The following CELF2 variants were observed in gnomAD, a reference collection of about 807,000 sequenced individuals.
CELF2 encodes CUGBP Elav-like family member 2.
Under a neutral mutation model 62.6 loss-of-function variants are expected in CELF2, and 8 were observed. That is an observed-to-expected ratio of 0.13 (90% CI 0.07 to 0.23). CELF2 has a LOEUF of 0.23. CELF2 is among the 10% of genes least tolerant of loss of function. The pLI, the probability that CELF2 is intolerant of heterozygous loss-of-function variation, is 1.00. For missense variants in CELF2, 333 were observed against 671.0 expected, an observed-to-expected ratio of 0.50 and a Z score of 5.56; for synonymous variants, 258 against 250.0, an observed-to-expected ratio of 1.03 and a Z score of -0.30.
chr10:11,163,271 C>A (rs957230487), intron 1 of CELF2, among the ~76,000 whole-genome samples: 2 of 152,194 alleles, frequency 1.3e-5, no homozygotes, highest in Admixed American at 6.5e-5. Flanking sequence ...ATTTTTTGAA[C>A]TTCTGTTTTC....
intron 2 of CELF2, among the ~76,000 whole-genome samples, chr10:11,196,223 G>T (rs536104827): frequency 6.6e-6 from 1 of 152,366 alleles, no homozygotes; most frequent in Admixed American, 6.5e-5. Flanking sequence ...CAGCGTCAGC[G>T]TCTTTCTCGA....
intron 1 of CELF2, among the ~76,000 whole-genome samples, chr10:11,032,634 C>T (rs1017972189): frequency 2.6e-5 from 4 of 152,002 alleles, no homozygotes; most frequent in African/African-American, 4.8e-5. Flanking sequence ...TGGTATCTCA[C>T]GATGTTGTAA....
intron 1 of CELF2, among the ~76,000 whole-genome samples, chr10:11,087,898 G>A (rs1017540545): frequency 3.9e-5 from 6 of 152,156 alleles, no homozygotes; most frequent in East Asian, 1.9e-4. Context: ...CCAGGGCCTC[G>A]CATACTATAC....
At chr10:10,623,950 C>A in the CELF2 span, among the ~76,000 whole-genome samples, 1 of 152,262 alleles carries the variant, frequency 6.6e-6, no homozygotes, top group South Asian at 2.1e-4. Context: ...AGATGATGTG[C>A]TCAGCCCTAC....
At chr10:10,912,772 C>G (rs2063929261) in intron 1 of CELF2, among the ~76,000 whole-genome samples, 2 of 152,150 alleles carry the variant, frequency 1.3e-5, no homozygotes, top group Non-Finnish European at 2.9e-5. Context: ...CGCATACTCC[C>G]CTGTTGTTCA....
In CELF2 at chr10:11,280,989, C is replaced by CGTGTGTGTGT. The variant is rs60798946; in HGVS notation, c.841+5892_841+5901dup. 0.037 allele frequency among the ~76,000 whole-genome samples: 5,333 copies of CGTGTGTGTGT among 144,454 alleles called. 131 individuals are homozygous for CGTGTGTGTGT. The highest frequency in any genetic ancestry group is 0.063 in the African/African-American group (2,463 of 38,928). 94.8% of individuals were successfully genotyped at this position (144,454 alleles called of 152,430 possible). A position where few individuals can be genotyped will look rare whatever the true frequency, so the allele number is the denominator to read the frequency against. Reference sequence around the variant, plus strand: ...TGGCGTGCGTGTGCATGCCTGTGTGCGTGTGTGTGTGTGTGTGTGTGTGTG... The same window carrying CGTGTGTGTGT: ...TGGCGTGCGTGTGCATGCCTGTGTGCGTGTGTGTGTGTGTGTGTGTGTGTGTGTGTGTGTG... On this transcript the variant is annotated intron_variant, in intron 8 of 12. Coordinates refer to ENST00000633077, the MANE Select transcript of CELF2 (RefSeq NM_001326342.2). This position sits in a 1 kb window ranked among gnomAD's most constrained non-coding sequence, Gnocchi z 7.6.
the CELF2 span, among the ~76,000 whole-genome samples, chr10:10,739,289 G>T: frequency 6.6e-6 from 1 of 152,122 alleles, no homozygotes; most frequent in African/African-American, 2.4e-5. Flanking sequence ...GTTTGACAAT[G>T]ATTATTTACA....
At chr10:10,587,395 T>C in the CELF2 span, among the ~76,000 whole-genome samples, 2 of 152,088 alleles carry the variant, frequency 1.3e-5, no homozygotes, top group Non-Finnish European at 2.9e-5. Flanking sequence ...TCTTAGCACA[T>C]CTCGGTAGGA....
At chr10:10,916,952 G>A (rs1201186462) in intron 1 of CELF2, among the ~76,000 whole-genome samples, 1 of 146,838 alleles carries the variant, frequency 6.8e-6, no homozygotes, top group Non-Finnish European at 1.5e-5. Flanking sequence ...TTTTTTTAAG[G>A]AAAAAGAACT....
intron 8 of CELF2, among the ~76,000 whole-genome samples, chr10:11,279,927 A>G (rs1007524118): frequency 6.6e-6 from 1 of 152,082 alleles, no homozygotes; most frequent in Admixed American, 6.5e-5. Context: ...AATGTTTTGC[A>G]TGTTCAGTCA....
intron 1 of CELF2, among the ~76,000 whole-genome samples, chr10:10,872,744 C>T (rs149817309): frequency 6.6e-6 from 1 of 151,932 alleles, no homozygotes; most frequent in Non-Finnish European, 1.5e-5. Flanking sequence ...TTTTTTGCAC[C>T]CATGGGGTGA....
At chr10:10,599,725 C>CTTTTTTTTTTTTTTTTT in the CELF2 span, among the ~76,000 whole-genome samples, 7 of 134,558 alleles carry the variant, frequency 5.2e-5, no homozygotes, top group South Asian at 2.3e-4. Context: ...TTCTTTCTTT[C>CTTTTTTTTTTTTTTTTT]TTTTTTTTTT....
chr10:11,245,484 T>C (rs1044932116), intron 3 of CELF2, among the ~76,000 whole-genome samples: 10 of 152,254 alleles, frequency 6.6e-5, no homozygotes, highest in Non-Finnish European at 1.5e-4. Flanking sequence ...GGTGACCATC[T>C]ATTCAGAATT....
the CELF2 span, among the ~76,000 whole-genome samples, chr10:10,580,265 G>A: frequency 6.6e-6 from 1 of 152,030 alleles, no homozygotes; most frequent in East Asian, 1.9e-4. Context: ...AGAAACTAGG[G>A]CAGGGAATCT....
intron 1 of CELF2, among the ~76,000 whole-genome samples, chr10:10,833,049 G>GTGTGTC (rs2058006236): frequency 6.8e-6 from 1 of 147,386 alleles, no homozygotes; most frequent in Non-Finnish European, 1.5e-5. Flanking sequence ...GTGTGTGTGT[G>GTGTGTC]TGTATTTTTA....
At chr10:11,193,497 C>T (rs952585781) in intron 2 of CELF2, among the ~76,000 whole-genome samples, 7 of 152,186 alleles carry the variant, frequency 4.6e-5, no homozygotes, top group Admixed American at 3.9e-4. Flanking sequence ...TACAATGAGA[C>T]GTAACTGAAT....
chr10:11,098,186 A>T lies in CELF2; in HGVS notation c.75-67300A>T, dbSNP rs1417158871. ...TTCGTATGCCCATATTTTGGATTGG[A>T]TGGACCAAGTGAAGGACAGTCTTAG... is the stretch of plus-strand genomic sequence containing the variant. On this transcript the variant is annotated intron_variant, in intron 1 of 12. Transcript: ENST00000633077. The surrounding 1 kb of genome is among the most constrained non-coding windows in gnomAD (Gnocchi z 4.0). The T allele has an allele frequency of 2.0e-5, 3 of 152,518 alleles. No homozygotes were observed. Among genetic ancestry groups the T allele is most frequent in the African/African-American group, 7.2e-5 (3 of 41,580 alleles). 9.4% of individuals were successfully genotyped at this position (152,518 alleles called of 1,614,324 possible). A position where few individuals can be genotyped will look rare whatever the true frequency, so the allele number is the denominator to read the frequency against.
At chr10:10,727,131 C>G in the CELF2 span, among the ~76,000 whole-genome samples, 1 of 152,166 alleles carries the variant, frequency 6.6e-6, no homozygotes, top group African/African-American at 2.4e-5. Flanking sequence ...GCCCCGCTTC[C>G]AATACTGGAG....
chr10:10,576,647 C>T, the CELF2 span, among the ~76,000 whole-genome samples: 4 of 152,082 alleles, frequency 2.6e-5, no homozygotes, highest in African/African-American at 4.8e-5. Flanking sequence ...TTCAAATATC[C>T]GTTAACCATC....
Sources: gnomAD v4.1 joint callset for allele counts (sites outside exome capture counted in the v4.1 genomes callset) on GRCh38, gnomAD v4.1.1 for gene constraint, Gnocchi (gnomAD v3.1) non-coding constraint, MANE v1.5 for transcripts, NCBI Gene and HGNC (gene_info 2026-07-23, HGNC 2026-07-21) for gene names.